The following GALNT17 variants were observed in gnomAD, a reference collection of about 807,000 sequenced individuals.
GALNT17 encodes the protein UDP-GalNAc:polypeptide N-acetylgalactosaminyltransferase-like 3.
Under a neutral mutation model 63.7 loss-of-function variants are expected in GALNT17, and 29 were observed. The observed-to-expected ratio is 0.46, with a 90% CI of 0.34 to 0.62. The LOEUF (loss-of-function observed/expected upper bound fraction) is 0.62. Ranked by LOEUF, GALNT17 falls within the 20% of genes least tolerant of loss-of-function variation. The pLI, the probability that GALNT17 is intolerant of heterozygous loss-of-function variation, is 0.01. For synonymous variants in GALNT17, 305 were observed against 318.3 expected (o/e 0.96, Z 0.45); for missense variants, 603 against 799.6 (o/e 0.75, Z 2.97).
chr7:71,678,095 G>A (rs111307160), intron 9 of GALNT17, among the ~76,000 whole-genome samples: 243 of 152,170 alleles, frequency 1.6e-3, no homozygotes, highest in African/African-American at 5.3e-3. Flanking sequence ...TTCCAGCACA[G>A]CCAAGCATTT....
At chr7:71,492,771 G>A (rs1217951375) in intron 5 of GALNT17, among the ~76,000 whole-genome samples, 9 of 152,150 alleles carry the variant, frequency 5.9e-5, no homozygotes, top group Non-Finnish European at 7.4e-5. Flanking sequence ...TTGACGTATC[G>A]CTGTTCTCCA....
chr7:71,592,608 T>A (rs191798226), intron 6 of GALNT17, among the ~76,000 whole-genome samples: 2 of 56,940 alleles, frequency 3.5e-5, no homozygotes, highest in Admixed American at 1.7e-4. Context: ...ATAAAATAAA[T>A]AAAGCATGCA....
chr7:71,679,277 G>A (rs773186518), intron 9 of GALNT17, among the ~76,000 whole-genome samples: 2 of 152,012 alleles, frequency 1.3e-5, no homozygotes, highest in Non-Finnish European at 2.9e-5. Context: ...GTTGGGCGTG[G>A]TGGCACACGA....
chr7:71,367,783 C>T (rs560049851), intron 2 of GALNT17, among the ~76,000 whole-genome samples: 17 of 152,294 alleles, frequency 1.1e-4, no homozygotes, highest in Non-Finnish European at 1.9e-4. Flanking sequence ...TGGAAAACAC[C>T]GTTTTCTGCC....
At chr7:71,257,783 G>T (rs573929251) in intron 1 of GALNT17, among the ~76,000 whole-genome samples, 2 of 152,126 alleles carry the variant, frequency 1.3e-5, no homozygotes. Context: ...TATGGATCCC[G>T]TGATGAGTTT....
chr7:71,198,637 T>G (rs1183995044), intron 1 of GALNT17, among the ~76,000 whole-genome samples: 1 of 152,172 alleles, frequency 6.6e-6, no homozygotes, highest in Non-Finnish European at 1.5e-5. Context: ...ACCTCCTAAT[T>G]AACGACGCTA....
chr7:71,500,834 G>A (rs1487151626), intron 5 of GALNT17, among the ~76,000 whole-genome samples: 2 of 152,074 alleles, frequency 1.3e-5, no homozygotes, highest in Non-Finnish European at 2.9e-5. Context: ...ACCATAGTAA[G>A]AGCCGTAGTT....
intron 1 of GALNT17, among the ~76,000 whole-genome samples, chr7:71,194,397 G>A (rs1226648997): frequency 6.6e-6 from 1 of 152,174 alleles, no homozygotes; most frequent in African/African-American, 2.4e-5. Flanking sequence ...TGGGAAAAGG[G>A]TATATGGGAT....
chr7:71,344,927 G>T (rs939630306), intron 2 of GALNT17, among the ~76,000 whole-genome samples: 1 of 152,150 alleles, frequency 6.6e-6, no homozygotes, highest in Admixed American at 6.5e-5. Flanking sequence ...TTAACCAGGA[G>T]AGAGAATGCT....
At chr7:71,635,361 T>C (rs1790514234) in intron 6 of GALNT17, among the ~76,000 whole-genome samples, 1 of 152,190 alleles carries the variant, frequency 6.6e-6, no homozygotes, top group Non-Finnish European at 1.5e-5. Context: ...TTGATGTTAA[T>C]GCTGGAGAGA....
At chr7:71,352,709 G>A (rs151332480) in intron 2 of GALNT17, among the ~76,000 whole-genome samples, 308 of 152,320 alleles carry the variant, frequency 2.0e-3, no homozygotes, top group Admixed American at 4.1e-3. Context: ...AGCTGGAGAT[G>A]TGGCAGCAGC....
At chr7:71,635,010 C>A (rs2116996690) in intron 6 of GALNT17, among the ~76,000 whole-genome samples, 1 of 151,896 alleles carries the variant, frequency 6.6e-6, no homozygotes, top group African/African-American at 2.4e-5. Context: ...AGTTCAAGAC[C>A]AGCCTGGCCA....
intron 5 of GALNT17, among the ~76,000 whole-genome samples, chr7:71,539,707 C>CTTT (rs71089953): frequency 0.27 from 19,165 of 71,728 alleles, 3,913 homozygotes; most frequent in Middle Eastern, 0.32. Context: ...TTAGTCCCAC[C>CTTT]TTTTTTTTTT....
intron 5 of GALNT17, among the ~76,000 whole-genome samples, chr7:71,549,368 G>A (rs1562686388): frequency 6.6e-6 from 1 of 152,102 alleles, no homozygotes; most frequent in Non-Finnish European, 1.5e-5. Context: ...AGGAGTTTGA[G>A]ACCAGCTTAG....
At chr7:71,186,829 G>A (rs889762218) in intron 1 of GALNT17, among the ~76,000 whole-genome samples, 1 of 152,198 alleles carries the variant, frequency 6.6e-6, no homozygotes, top group Non-Finnish European at 1.5e-5. Context: ...CTGGGAAAAT[G>A]AATATTTTCC....
intron 9 of GALNT17, 28 bp downstream of exon 9, chr7:71,677,334 A>G: frequency 1.2e-6 from 2 of 1,603,450 alleles, no homozygotes; most frequent in Non-Finnish European, 1.7e-6. Context: ...ACCAGGAAGG[A>G]AGTAATATCA....
chr7:71,380,242 A>G (rs985596127), intron 2 of GALNT17, among the ~76,000 whole-genome samples: 16 of 152,142 alleles, frequency 1.1e-4, no homozygotes, highest in Non-Finnish European at 2.1e-4. Context: ...ATGAGAGGTA[A>G]AGAAGGGAGA....
At chr7:71,552,444 CT>C (rs755171977) in intron 5 of GALNT17, among the ~76,000 whole-genome samples, 259 of 138,096 alleles carry the variant, frequency 1.9e-3, no homozygotes, top group Middle Eastern at 8.4e-3. Context: ...GGCTGTGACT[CT>C]TTTTTTTTTT....
intron 5 of GALNT17, among the ~76,000 whole-genome samples, chr7:71,441,800 A>G (rs10950260): frequency 0.52 from 78,828 of 152,060 alleles, 22,357 homozygotes; most frequent in Non-Finnish European, 0.65. Context: ...TGTCCCTGCA[A>G]AGGACATGAA....
Sources: gnomAD v4.1 joint callset for allele counts (sites outside exome capture counted in the v4.1 genomes callset) on GRCh38, gnomAD v4.1.1 for gene constraint, MANE v1.5 for transcripts, NCBI Gene and HGNC (gene_info 2026-07-23, HGNC 2026-07-21) for gene names.